The following COBL variants were observed in gnomAD, a reference collection of about 807,000 sequenced individuals.
COBL encodes the protein cordon-bleu WH2 repeat protein, also known as protein cordon-bleu.
A neutral mutation model predicts 98.8 loss-of-function variants in COBL; 51 were observed. The ratio of observed to expected loss-of-function variants is 0.52; its 90% CI spans 0.41 to 0.65. The LOEUF is 0.65. Among genes scored for constraint, COBL ranks in the 30% least tolerant of loss-of-function variants. The pLI, the probability that COBL is intolerant of heterozygous loss-of-function variation, is 0.00. For synonymous variants in COBL, 634 were observed against 651.7 expected, an observed-to-expected ratio of 0.97 and a Z score of 0.41; for missense variants, 1,617 against 1,617.5, an observed-to-expected ratio of 1.00 and a Z score of 0.01.
At chr7:51,288,090 T>C (rs1800539197) in intron 1 of COBL, among the ~76,000 whole-genome samples, 1 of 152,160 alleles carries the variant, frequency 6.6e-6, no homozygotes, top group Non-Finnish European at 1.5e-5. Context: ...CATGGAATTA[T>C]GAAAGAAGTC....
rs754716784 is a variant in COBL, at chr7:51,193,526, A to G, written c.309T>C (p.His103=). ...TTTCTGAAGACCGAATTTCAAGGGC[A>G]TGGTGGGATGGATTCAGGTGGTTCT... ...CLQNHLNPSH[H]ALEIRSSETQ... The change falls in exon 3 of 13, where the codon CAT becomes CAC. Residue 103 remains histidine (H), a synonymous_variant. Transcript: ENST00000265136. The G allele has an allele frequency of 1.6e-5, 26 of 1,614,138 alleles. No homozygotes were observed. In the Admixed American group the frequency reaches 1.7e-4, roughly 10 times the overall value.
intron 7 of COBL, among the ~76,000 whole-genome samples, chr7:51,065,822 A>G (rs774887049): frequency 1.7e-4 from 26 of 152,248 alleles, no homozygotes; most frequent in South Asian, 2.1e-4. Context: ...ACGATGTTTA[A>G]GTTAAAATGA....
chr7:51,265,185 C>CGT (rs1189305187), intron 1 of COBL, among the ~76,000 whole-genome samples: 1 of 152,220 alleles, frequency 6.6e-6, no homozygotes, highest in African/African-American at 2.4e-5. Flanking sequence ...TTAACAACCG[C>CGT]GTGCTCATCT....
intron 7 of COBL, among the ~76,000 whole-genome samples, chr7:51,052,785 C>A (rs1209779828): frequency 6.6e-6 from 1 of 152,202 alleles, no homozygotes; most frequent in African/African-American, 2.4e-5. Context: ...AATGCCATCC[C>A]TCCTTCTGCT....
intron 2 of COBL, among the ~76,000 whole-genome samples, chr7:51,212,018 A>G (rs1792491607): frequency 6.6e-6 from 1 of 152,156 alleles, no homozygotes; most frequent in Admixed American, 6.5e-5. Context: ...TTATGAGAGC[A>G]GGCCTTTCAG....
chr7:51,229,908 A>G (rs916872992), intron 1 of COBL, among the ~76,000 whole-genome samples: 3 of 152,178 alleles, frequency 2.0e-5, no homozygotes, highest in African/African-American at 7.2e-5. Context: ...AAGGGCCCGA[A>G]GGTCCCAGCA....
At chr7:51,184,937 C>T (rs1235158289) in intron 4 of COBL, among the ~76,000 whole-genome samples, 1 of 152,222 alleles carries the variant, frequency 6.6e-6, no homozygotes, top group Non-Finnish European at 1.5e-5. Flanking sequence ...GAAACAACTG[C>T]ATCAAATCTC....
intron 1 of COBL, among the ~76,000 whole-genome samples, chr7:51,249,047 T>G (rs1440052468): frequency 1.3e-5 from 2 of 152,212 alleles, no homozygotes; most frequent in Non-Finnish European, 2.9e-5. Flanking sequence ...TAGTATAATT[T>G]ATTTATCCAA....
Position 51,282,156 on chromosome 7 carries a change from T to C in COBL, c.41+34437A>G, listed in dbSNP as rs552745872. On this transcript the variant is annotated intron_variant, in intron 1 of 12. Coordinates refer to ENST00000265136, the MANE Select transcript of COBL (RefSeq NM_015198.5). The stretch of plus-strand genomic sequence containing the variant: ...GCAAGTCAGGCAACAAAGAAAAAAA[T>C]AGTTAAATGGTTGATCTAAATCCAA... 4.6e-5 allele frequency among the ~76,000 whole-genome samples: 7 copies of C among 151,916 alleles called. No homozygotes were observed. In the East Asian group the frequency reaches 1.4e-3, roughly 29 times the overall value.
intron 1 of COBL, among the ~76,000 whole-genome samples, chr7:51,258,793 G>A (rs1797426200): frequency 6.6e-6 from 1 of 152,138 alleles, no homozygotes. Flanking sequence ...TTTGAAATCA[G>A]TTATTAATAT....
At chr7:51,139,386 C>A (rs1368703622) in intron 5 of COBL, among the ~76,000 whole-genome samples, 2 of 152,306 alleles carry the variant, frequency 1.3e-5, no homozygotes, top group Admixed American at 1.3e-4. Context: ...CCATCCCAGT[C>A]CTCCTAGAAG....
intron 7 of COBL, among the ~76,000 whole-genome samples, chr7:51,070,399 A>ACACACACACACACACACACACG (rs1380030031): frequency 2.6e-5 from 4 of 151,502 alleles, no homozygotes; most frequent in Admixed American, 1.3e-4. Context: ...TAAAACACAC[A>ACACACACACACACACACACACG]CACACACACA....
At chr7:51,284,552 G>A (rs1800138402) in intron 1 of COBL, among the ~76,000 whole-genome samples, 1 of 151,868 alleles carries the variant, frequency 6.6e-6, no homozygotes, top group Non-Finnish European at 1.5e-5. Context: ...TATAAGGCCA[G>A]GCATGGTGGC....
At chr7:51,046,904 G>A (rs1299698452) in intron 7 of COBL, among the ~76,000 whole-genome samples, 1 of 152,164 alleles carries the variant, frequency 6.6e-6, no homozygotes, top group Admixed American at 6.5e-5. Context: ...TAAGCAGTTG[G>A]CTCTGACGGG....
intron 2 of COBL, among the ~76,000 whole-genome samples, chr7:51,207,662 C>A (rs1218315168): frequency 1.3e-5 from 2 of 152,258 alleles, no homozygotes; most frequent in African/African-American, 4.8e-5. Flanking sequence ...CAGCTCCTAA[C>A]CGCGAGTGAT....
intron 1 of COBL, among the ~76,000 whole-genome samples, chr7:51,263,205 C>G (rs995391675): frequency 6.6e-6 from 1 of 152,212 alleles, no homozygotes; most frequent in African/African-American, 2.4e-5. Context: ...CACCTGTCAT[C>G]TACACTGCAC....
intron 1 of COBL, among the ~76,000 whole-genome samples, chr7:51,312,317 TG>T (rs1467145976): frequency 2.6e-5 from 4 of 151,992 alleles, no homozygotes; most frequent in Admixed American, 6.6e-5. Context: ...GGTGACATGG[TG>T]AGATTATGTC....
intron 1 of COBL, among the ~76,000 whole-genome samples, chr7:51,315,226 A>G (rs1803424510): frequency 6.6e-6 from 1 of 151,792 alleles, no homozygotes; most frequent in South Asian, 2.1e-4. Flanking sequence ...TGTTTGTTCA[A>G]AGAGAATTAT....
intron 1 of COBL, among the ~76,000 whole-genome samples, chr7:51,225,085 G>A (rs937234330): frequency 4.9e-4 from 74 of 152,182 alleles, no homozygotes; most frequent in African/African-American, 1.7e-3. Context: ...TGTCTGTTTC[G>A]TGCTTTCAGT....
Sources: allele counts gnomAD v4.1 joint callset (sites outside exome capture counted in the v4.1 genomes callset), GRCh38; gene constraint gnomAD v4.1.1; transcripts MANE v1.5; gene names NCBI Gene and HGNC (gene_info 2026-07-23, HGNC 2026-07-21).